The following ZNF804B variants were observed in gnomAD, a reference collection of about 807,000 sequenced individuals.
The protein encoded by ZNF804B is zinc finger protein 804B, also known as zinc finger 804B.
In ZNF804B, 80 loss-of-function variants were observed where a neutral mutation model predicts 101.4. The observed-to-expected ratio is 0.79, with a 90% CI of 0.66 to 0.95. The LOEUF is 0.95. Among genes scored for constraint, ZNF804B ranks in the 40% least tolerant of loss-of-function variants. The pLI is 0.00. For synonymous variants in ZNF804B, 622 were observed against 558.8 expected, an observed-to-expected ratio of 1.11 and a Z score of -1.59; for missense variants, 1,673 against 1,561.9, an observed-to-expected ratio of 1.07 and a Z score of -1.20.
At chr7:88,936,615 A>G (rs968077568) in intron 1 of ZNF804B, among the ~76,000 whole-genome samples, 6 of 152,098 alleles carry the variant, frequency 3.9e-5, no homozygotes, top group African/African-American at 1.2e-4. Flanking sequence ...ACACTGAAAG[A>G]GACAATGTCT....
chr7:89,002,378 A>G (rs1267917103), intron 1 of ZNF804B, among the ~76,000 whole-genome samples: 2 of 151,842 alleles, frequency 1.3e-5, no homozygotes, highest in East Asian at 1.9e-4. Context: ...TAAACCTCAT[A>G]TATTTTCCCA....
At chr7:89,157,324 T>A (rs2116415051) in intron 1 of ZNF804B, among the ~76,000 whole-genome samples, 1 of 152,304 alleles carries the variant, frequency 6.6e-6, no homozygotes, top group East Asian at 1.9e-4. Flanking sequence ...TAATTAGTGA[T>A]TCATCTTTCT....
intron 1 of ZNF804B, among the ~76,000 whole-genome samples, chr7:89,108,290 G>A (rs997698067): frequency 1.7e-4 from 25 of 150,488 alleles, no homozygotes; most frequent in African/African-American, 4.7e-4. Flanking sequence ...TCGACAGAAA[G>A]TACACGGAGG....
chr7:89,330,539 C>A (rs1237114972), intron 3 of ZNF804B, among the ~76,000 whole-genome samples: 1 of 150,952 alleles, frequency 6.6e-6, no homozygotes, highest in Non-Finnish European at 1.5e-5. Flanking sequence ...GTTATAATAC[C>A]CAAACTTGTA....
At chr7:88,911,297 T>G (rs2115975395) in intron 1 of ZNF804B, among the ~76,000 whole-genome samples, 1 of 151,846 alleles carries the variant, frequency 6.6e-6, no homozygotes, top group South Asian at 2.1e-4. Flanking sequence ...ATTTAAAGCT[T>G]TGTAGTGTAT....
intron 2 of ZNF804B, among the ~76,000 whole-genome samples, chr7:89,236,175 T>C (rs1005680553): frequency 2.0e-5 from 3 of 152,148 alleles, no homozygotes; most frequent in Non-Finnish European, 2.9e-5. Context: ...TTTGCAAAGA[T>C]CTGCCTAATG....
chr7:89,154,919 C>T (rs1208764462), intron 1 of ZNF804B, among the ~76,000 whole-genome samples: 1 of 151,646 alleles, frequency 6.6e-6, no homozygotes, highest in Non-Finnish European at 1.5e-5. Context: ...TTTTGTAACA[C>T]AAAGGATAAA....
At chr7:89,226,302 A>T (rs1025319172) in intron 2 of ZNF804B, among the ~76,000 whole-genome samples, 1 of 152,124 alleles carries the variant, frequency 6.6e-6, no homozygotes, top group Admixed American at 6.5e-5. Context: ...TCAAATATTT[A>T]TGTATAAGGA....
chr7:88,793,443 A>C (rs1174956186), intron 1 of ZNF804B, among the ~76,000 whole-genome samples: 1 of 152,056 alleles, frequency 6.6e-6, no homozygotes, highest in Non-Finnish European at 1.5e-5. Context: ...ATGTTCAATA[A>C]ATGATGTTGC....
chr7:89,068,404 A>G (rs1179834059), intron 1 of ZNF804B, among the ~76,000 whole-genome samples: 1 of 152,122 alleles, frequency 6.6e-6, no homozygotes, highest in Non-Finnish European at 1.5e-5. Flanking sequence ...CATAAAACCA[A>G]ATATCTGCAT....
rs141860441 is a variant in ZNF804B at position 88,834,960 on chromosome 7, C to A, written c.108+74876C>A. 5.8e-3 allele frequency among the ~76,000 whole-genome samples: 887 copies of A among 151,892 alleles called. 8 individuals carry two copies. Among genetic ancestry groups the A allele is most frequent in the African/African-American group, 0.02 (832 of 41,510 alleles). ...ACCAGCCCTCTTTGGATTTCTGCAG[C>A]ATTTTCTTTTGTACAAGGAAATAAT... is the stretch of plus-strand genomic sequence containing the variant. On this transcript the variant is annotated intron_variant, in intron 1 of 3. Coordinates refer to ENST00000333190, the MANE Select transcript of ZNF804B (RefSeq NM_181646.5).
In ZNF804B at chr7:89,227,690, T is replaced by C. The variant is rs1479405361; in HGVS notation, c.249+9395T>C. 2.0e-5 allele frequency among the ~76,000 whole-genome samples: 3 copies of C among 152,056 alleles called. 1 individual carries two copies. The highest frequency in any genetic ancestry group is 1.3e-4 in the Admixed American group (2 of 15,272). On this transcript the variant is annotated intron_variant, in intron 2 of 3. Coordinates refer to ENST00000333190, the MANE Select transcript of ZNF804B (RefSeq NM_181646.5). ...CTAAAGGATATGAAGGAGCAACCCA[T>C]AGAGCCATCTCTCTGAGAGAGAGAG...
At position 88,898,476 on chromosome 7, in the gene ZNF804B, G is replaced by GC. The variant is rs545918564; in HGVS notation, c.108+138397dup. ...TACTAGATACTTTGTTATCCATGAC[G>GC]CCCCCTTCTGCTGCACACACATGCT... On this transcript the variant is annotated intron_variant, in intron 1 of 3. Transcript: ENST00000333190. Among the ~76,000 whole-genome samples the GC allele has an allele frequency of 3.7e-4, 56 of 150,848 alleles. 1 individual carries two copies. The East Asian group carries it at 0.011, about 28-fold the overall frequency.
intron 1 of ZNF804B, among the ~76,000 whole-genome samples, chr7:88,888,771 CGTTTT>C (rs1467551890): frequency 6.6e-6 from 1 of 151,484 alleles, no homozygotes; most frequent in African/African-American, 2.4e-5. Context: ...TTTTGTTTTT[CGTTTT>C]GTTTTGTTTT....
intron 1 of ZNF804B, among the ~76,000 whole-genome samples, chr7:89,092,033 T>C (rs1404740433): frequency 6.6e-6 from 1 of 152,180 alleles, no homozygotes; most frequent in East Asian, 1.9e-4. Context: ...ACACTGTAGA[T>C]TAAGTGCCAT....
intron 2 of ZNF804B, among the ~76,000 whole-genome samples, chr7:89,324,835 T>C (rs1320583168): frequency 6.6e-6 from 1 of 151,898 alleles, no homozygotes; most frequent in African/African-American, 2.4e-5. Flanking sequence ...GGCTATTTTT[T>C]TTTGTATTGC....
chr7:89,023,986 G>C (rs936535163), intron 1 of ZNF804B, among the ~76,000 whole-genome samples: 2 of 152,184 alleles, frequency 1.3e-5, no homozygotes, highest in Admixed American at 6.5e-5. Flanking sequence ...CAAGTGGAAG[G>C]TGTCTAGAGC....
In ZNF804B at chr7:89,327,430, T is replaced by G; in HGVS notation, c.336T>G (p.Leu112=). 1 of 1,611,500 alleles carries G rather than the reference T, an allele frequency of 6.2e-7. No individual in the cohort carries two copies. The highest frequency in any genetic ancestry group is 8.5e-7 in the Non-Finnish European group (1 of 1,178,538). ...WKDEKKQEKA[L]KRLHQLAELR... ...ATGAGAAAAAACAAGAAAAAGCACT[T>G]AAACGACTTCATCAGCTGGCTGAGT... is the stretch of plus-strand genomic sequence containing the variant. The change falls in exon 3 of 4, where the codon CTT becomes CTG. Residue 112 remains leucine (L), a synonymous_variant. Transcript: ENST00000333190.
chr7:89,280,097 A>C (rs1374747009), intron 2 of ZNF804B, among the ~76,000 whole-genome samples: 1 of 152,220 alleles, frequency 6.6e-6, no homozygotes, highest in Non-Finnish European at 1.5e-5. Flanking sequence ...ACTCGGGATT[A>C]AGAAACTCAC....
Sources: allele counts gnomAD v4.1 joint callset (sites outside exome capture counted in the v4.1 genomes callset), GRCh38; gene constraint gnomAD v4.1.1; transcripts MANE v1.5; gene names NCBI Gene and HGNC (gene_info 2026-07-23, HGNC 2026-07-21).